The following LUZP1 variants were observed in gnomAD, a reference collection of about 807,000 sequenced individuals.
The protein encoded by LUZP1 is filamin mechanobinding actin cross-linking protein.
In LUZP1, 25 loss-of-function variants were observed where a neutral mutation model predicts 71.3. The observed-to-expected ratio is 0.35, with a 90% CI of 0.26 to 0.49. The LOEUF is 0.49. LUZP1 is among the 20% of genes least tolerant of loss of function. The pLI is 0.99. For synonymous variants in LUZP1, 481 were observed against 506.4 expected (o/e 0.95, Z 0.67); for missense variants, 1,142 against 1,300.8 (o/e 0.88, Z 1.88).
At chr1:23,088,690 G>A (rs1643804715) in exon 5 of LUZP1, 9 of 574,808 alleles carry the variant, frequency 1.6e-5, no homozygotes, top group East Asian at 3.1e-5. Flanking sequence ...GGGAAGGTTG[G>A]GCCTGGGTGA....
chr1:23,173,632 C>T lies in LUZP1; in HGVS notation c.-485+3859G>A, dbSNP rs139002924. Among the ~76,000 whole-genome samples, 682 of 152,254 alleles carry T rather than the reference C, an allele frequency of 4.5e-3. 7 individuals are homozygous for T. The highest frequency in any genetic ancestry group is 0.015 in the African/African-American group (616 of 41,542). On this transcript the variant is annotated intron_variant, in intron 1 of 4. Coordinates refer to ENST00000302291, the Ensembl canonical transcript of LUZP1. Reference sequence around the variant, plus strand: ...TTGGCCTCCCAAAGTGCTGGGATTACAGGTGTGAGACACTGTGCCCAGCCT... The same window carrying T: ...TTGGCCTCCCAAAGTGCTGGGATTATAGGTGTGAGACACTGTGCCCAGCCT...
In LUZP1 at chr1:23,149,738, C is replaced by A. The variant is rs1644368748; in HGVS notation, c.-226+19028G>T. ...GCCTATAATCCCAGCACTTTGGGAG[C>A]GGATCACGAGGTCACGAGATCGAGA... is the stretch of plus-strand genomic sequence containing the variant. On this transcript the variant is annotated intron_variant, in intron 2 of 4. Transcript: ENST00000302291. Among the ~76,000 whole-genome samples the A allele has an allele frequency of 2.0e-5, 3 of 151,972 alleles. No homozygotes were observed. In the South Asian group the frequency reaches 6.2e-4, roughly 32 times the overall value.
At chr1:23,091,681 T>A in exon 4 of LUZP1, 11 of 1,614,098 alleles carry the variant, frequency 6.8e-6, no homozygotes, top group Non-Finnish European at 9.3e-6. Flanking sequence ...CCATCTGCCA[T>A]TCTCTCCGCT....
At chr1:23,176,100 C>A (rs1033327941) in intron 1 of LUZP1, among the ~76,000 whole-genome samples, 1 of 141,454 alleles carries the variant, frequency 7.1e-6, no homozygotes, top group African/African-American at 2.7e-5. Flanking sequence ...CTTGCTCTGT[C>A]GCCCAGGCTG....
intron 2 of LUZP1, among the ~76,000 whole-genome samples, chr1:23,144,237 G>A (rs896443872): frequency 3.9e-5 from 6 of 152,084 alleles, no homozygotes; most frequent in Admixed American, 2.6e-4. Context: ...TCTTTTCATC[G>A]AAGAGATGGA....
intron 2 of LUZP1, among the ~76,000 whole-genome samples, chr1:23,147,725 T>C (rs1644354779): frequency 6.6e-6 from 1 of 152,194 alleles, no homozygotes; most frequent in African/African-American, 2.4e-5. Flanking sequence ...GTTAATATTT[T>C]TATTTCATTT....
intron 3 of LUZP1, among the ~76,000 whole-genome samples, chr1:23,095,044 A>G (rs527256437): frequency 1.3e-5 from 2 of 152,222 alleles, no homozygotes; most frequent in Non-Finnish European, 2.9e-5. Flanking sequence ...CAGCTTCTAC[A>G]AAACATATCC....
intron 3 of LUZP1, among the ~76,000 whole-genome samples, chr1:23,095,366 T>C (rs1643887041): frequency 6.6e-6 from 1 of 152,022 alleles, no homozygotes; most frequent in Non-Finnish European, 1.5e-5. Flanking sequence ...ATAAAACAGC[T>C]AAAAATACTG....
chr1:23,111,229 TA>T (rs1368703329), intron 2 of LUZP1, among the ~76,000 whole-genome samples: 1 of 139,846 alleles, frequency 7.2e-6, no homozygotes, highest in African/African-American at 2.7e-5. Flanking sequence ...AAGTTACTGA[TA>T]ATAAAAACAG....
intron 2 of LUZP1, among the ~76,000 whole-genome samples, chr1:23,155,879 G>T (rs568233791): frequency 1.3e-5 from 2 of 152,086 alleles, no homozygotes; most frequent in South Asian, 4.1e-4. Context: ...ATAAATACCC[G>T]CAGATAATTG....
At chr1:23,170,471 T>C (rs1644544527) in intron 1 of LUZP1, among the ~76,000 whole-genome samples, 1 of 102,990 alleles carries the variant, frequency 9.7e-6, no homozygotes, top group Non-Finnish European at 2.1e-5. Context: ...TCTTTTTTTT[T>C]TTTTTTTTTT....
exon 4 of LUZP1, chr1:23,091,813 T>C: frequency 1.9e-6 from 3 of 1,614,068 alleles, no homozygotes; most frequent in Non-Finnish European, 2.5e-6. Flanking sequence ...GATGTGTGCC[T>C]CTCCCTCAGG....
At chr1:23,105,170 A>G (rs1557642663) in intron 3 of LUZP1, among the ~76,000 whole-genome samples, 1 of 152,196 alleles carries the variant, frequency 6.6e-6, no homozygotes, top group African/African-American at 2.4e-5. Flanking sequence ...AGTCAAGGCA[A>G]GAGATGGGAT....
intron 1 of LUZP1, among the ~76,000 whole-genome samples, chr1:23,173,252 G>A (rs916635247): frequency 4.0e-5 from 6 of 149,896 alleles, no homozygotes; most frequent in African/African-American, 1.2e-4. Context: ...GAAAGACACT[G>A]TCTCTAAAAA....
chr1:23,099,379 C>T (rs1452765896), intron 3 of LUZP1, among the ~76,000 whole-genome samples: 3 of 152,202 alleles, frequency 2.0e-5, no homozygotes, highest in Non-Finnish European at 4.4e-5. Context: ...TGCTTTAAAA[C>T]AGCATATCCT....
chr1:23,095,140 TATACCAAACATATAATA>T (rs1643885689), intron 3 of LUZP1, among the ~76,000 whole-genome samples: 1 of 152,206 alleles, frequency 6.6e-6, no homozygotes, highest in Admixed American at 6.5e-5. Flanking sequence ...ACTGGGGATA[TATACCAAACATATAATA>T]ATACCCCAAG....
chr1:23,130,233 C>T (rs536429794), intron 2 of LUZP1, among the ~76,000 whole-genome samples: 1 of 152,268 alleles, frequency 6.6e-6, no homozygotes, highest in South Asian at 2.1e-4. Flanking sequence ...TATTTTTTAA[C>T]TCTACCTTTG....
At chr1:23,162,190 A>G (rs972888448) in intron 2 of LUZP1, among the ~76,000 whole-genome samples, 2 of 152,046 alleles carry the variant, frequency 1.3e-5, no homozygotes, top group Admixed American at 6.6e-5. Context: ...AAAAAGAGCA[A>G]AATAATCTAT....
At position 23,112,979 on chromosome 1, in the gene LUZP1, CAG is replaced by C. The variant is rs143606004; in HGVS notation, c.-225-3854_-225-3853del. Among the ~76,000 whole-genome samples, 1,321 of 152,308 alleles carry C rather than the reference CAG, an allele frequency of 8.7e-3. 13 individuals are homozygous for C. Among genetic ancestry groups the C allele is most frequent in the Non-Finnish European group, 0.014 (961 of 68,026 alleles). Reference sequence around the variant, plus strand: ...GAACTGCGACCCACTGCAGGTGTGACAGAGTTTGCAGTTTTGAGTCTGAGTTA... The same window carrying C: ...GAACTGCGACCCACTGCAGGTGTGACAGTTTGCAGTTTTGAGTCTGAGTTA... On this transcript the variant is annotated intron_variant, in intron 2 of 4. Coordinates refer to ENST00000302291, the Ensembl canonical transcript of LUZP1.
Sources: gnomAD v4.1 joint callset for allele counts (sites outside exome capture counted in the v4.1 genomes callset) on GRCh38, gnomAD v4.1.1 for gene constraint, MANE v1.5 for transcripts, NCBI Gene and HGNC (gene_info 2026-07-23, HGNC 2026-07-21) for gene names.